INSL6: variants seen among roughly 807,000 people sequenced by gnomAD.
The protein encoded by INSL6 is insulin like 6, also known as insulin-like peptide INSL6.
INSL6 carries 16 observed loss-of-function variants against 9.4 expected under a neutral mutation model. That is an observed-to-expected ratio of 1.70 (90% CI 1.15 to 2.59). The LOEUF (loss-of-function observed/expected upper bound fraction) is 2.59, where lower values mean the gene tolerates loss of function less well. Among genes scored for constraint, INSL6 ranks in the 30% most tolerant of loss-of-function variants. The pLI is 0.00. For missense variants in INSL6, 391 were observed against 257.3 expected (o/e 1.52, Z -3.56); for synonymous variants, 154 against 96.9 (o/e 1.59, Z -3.46).
downstream of INSL6, among the ~76,000 whole-genome samples, chr9:5,160,477 G>A (rs1784773570): frequency 6.6e-6 from 1 of 152,064 alleles, no homozygotes; most frequent in African/African-American, 2.4e-5. Context: ...GTAGCTAAAA[G>A]TGAAGTGCCT....
intron 2 of INSL6, among the ~76,000 whole-genome samples, chr9:5,154,564 A>G (rs1019210768): frequency 2.0e-5 from 3 of 152,244 alleles, no homozygotes; most frequent in Admixed American, 6.5e-5. Context: ...AAATTTTTGC[A>G]ATCTACTCAT....
downstream of INSL6, among the ~76,000 whole-genome samples, chr9:5,123,622 G>C (rs1336834517): frequency 1.3e-5 from 2 of 151,932 alleles, no homozygotes; most frequent in Non-Finnish European, 2.9e-5. Context: ...ACAGGTGGAG[G>C]TATCTTTTTG....
chr9:5,151,222 C>CT (rs60001190), intron 2 of INSL6, among the ~76,000 whole-genome samples: 54,815 of 151,800 alleles, frequency 0.36, 10,749 homozygotes, highest in African/African-American at 0.53. Context: ...CTTATACCCC[C>CT]AAATCAATAT....
chr9:5,148,221 G>A (rs1412774326), intron 2 of INSL6, among the ~76,000 whole-genome samples: 1 of 152,184 alleles, frequency 6.6e-6, no homozygotes, highest in Non-Finnish European at 1.5e-5. Context: ...ATTTCTGGAA[G>A]TTTTCACAGG....
chr9:5,074,763 G>C, the INSL6 span, among the ~76,000 whole-genome samples: 1 of 152,204 alleles, frequency 6.6e-6, no homozygotes, highest in Admixed American at 6.5e-5. Flanking sequence ...AGCTAGAAAT[G>C]AAGCAGCAAA....
chr9:5,096,340 C>G, the INSL6 span, among the ~76,000 whole-genome samples: 1 of 152,148 alleles, frequency 6.6e-6, no homozygotes, highest in Non-Finnish European at 1.5e-5. Context: ...GTAACAAACC[C>G]AAGGACTGCA....
At chr9:5,103,621 C>T in the INSL6 span, among the ~76,000 whole-genome samples, 1 of 152,262 alleles carries the variant, frequency 6.6e-6, no homozygotes, top group South Asian at 2.1e-4. Context: ...AATATACATT[C>T]TTCTCAGCAC....
At chr9:5,031,864 A>T in the INSL6 span, among the ~76,000 whole-genome samples, 2 of 152,194 alleles carry the variant, frequency 1.3e-5, no homozygotes, top group African/African-American at 2.4e-5. Flanking sequence ...TGCATTTCCA[A>T]CTGAGGTGTA....
the INSL6 span, among the ~76,000 whole-genome samples, chr9:5,067,785 C>G: frequency 1.3e-5 from 2 of 151,978 alleles, no homozygotes; most frequent in Non-Finnish European, 2.9e-5. Context: ...TTCAAATATA[C>G]AAAAAATTCT....
chr9:5,013,221 TA>T, the INSL6 span, among the ~76,000 whole-genome samples: 80 of 151,074 alleles, frequency 5.3e-4, no homozygotes, highest in Non-Finnish European at 6.9e-4. Context: ...TCTTTTGTGA[TA>T]AAAAAAAATA....
At chr9:5,002,876 G>C in the INSL6 span, among the ~76,000 whole-genome samples, 2 of 151,878 alleles carry the variant, frequency 1.3e-5, no homozygotes, top group Admixed American at 6.6e-5. Context: ...AGGTCACATT[G>C]GTCTGTTTTC....
the INSL6 span, chr9:5,064,804 G>A: frequency 1.4e-5 from 15 of 1,073,906 alleles, no homozygotes; most frequent in Admixed American, 3.9e-4. Flanking sequence ...TATTTAACAT[G>A]GAATGAAGAA....
chr9:5,032,068 G>A, the INSL6 span, among the ~76,000 whole-genome samples: 1 of 152,224 alleles, frequency 6.6e-6, no homozygotes, highest in Admixed American at 6.5e-5. Context: ...CTCTAATACT[G>A]CGCTATTCTA....
At chr9:5,049,713 G>C in the INSL6 span, among the ~76,000 whole-genome samples, 1 of 152,194 alleles carries the variant, frequency 6.6e-6, no homozygotes, top group South Asian at 2.1e-4. Context: ...GATATATTCT[G>C]AGAAATATGT....
intron 2 of INSL6, among the ~76,000 whole-genome samples, chr9:5,134,116 GA>G (rs1429560584): frequency 3.3e-5 from 5 of 151,996 alleles, no homozygotes; most frequent in African/African-American, 1.2e-4. Flanking sequence ...TCAACTTAAC[GA>G]AATAAAGCAA....
the INSL6 span, chr9:5,085,955 GT>G: frequency 8.9e-7 from 1 of 1,127,160 alleles, no homozygotes; most frequent in Non-Finnish European, 1.4e-6. Context: ...AAGGATCGGT[GT>G]ATTTCTCACC....
the INSL6 span, chr9:5,097,960 C>T: frequency 2.6e-5 from 4 of 152,276 alleles, no homozygotes; most frequent in East Asian, 1.9e-4. Flanking sequence ...TTGGCCTATC[C>T]GGTATGCCGC....
At chr9:5,011,451 A>C in the INSL6 span, among the ~76,000 whole-genome samples, 2 of 152,180 alleles carry the variant, frequency 1.3e-5, no homozygotes, top group African/African-American at 4.8e-5. Flanking sequence ...TGGCCTCCCA[A>C]AATGTTGGGA....
the INSL6 span, among the ~76,000 whole-genome samples, chr9:5,057,687 A>G: frequency 6.7e-6 from 1 of 150,152 alleles, no homozygotes; most frequent in African/African-American, 2.5e-5. Flanking sequence ...GGTTCAAGCA[A>G]TTTTCCTGCC....
Sources: gnomAD v4.1 joint callset for allele counts (sites outside exome capture counted in the v4.1 genomes callset) on GRCh38, gnomAD v4.1.1 for gene constraint, MANE v1.5 for transcripts, NCBI Gene and HGNC (gene_info 2026-07-23, HGNC 2026-07-21) for gene names.